The following TUSC3 variants were observed in gnomAD, a reference collection of about 807,000 sequenced individuals.
The protein encoded by TUSC3 is dolichyl-diphosphooligosaccharide--protein glycosyltransferase subunit TUSC3.
Under a neutral mutation model 44.8 loss-of-function variants are expected in TUSC3, and 45 were observed. The ratio of observed to expected loss-of-function variants is 1.00; its 90% confidence interval spans 0.79 to 1.29. TUSC3 has a LOEUF of 1.29. Among genes scored for constraint, TUSC3 ranks in the 50% most tolerant of loss-of-function variants. The pLI, the probability that TUSC3 is intolerant of heterozygous loss-of-function variation, is 0.00. For missense variants in TUSC3, 519 were observed against 437.9 expected, an observed-to-expected ratio of 1.19 and a Z score of -1.65; for synonymous variants, 212 against 152.9, an observed-to-expected ratio of 1.39 and a Z score of -2.85.
intron 6 of TUSC3, among the ~76,000 whole-genome samples, chr8:15,701,255 G>T (rs1296042998): frequency 6.6e-6 from 1 of 152,058 alleles, no homozygotes; most frequent in Non-Finnish European, 1.5e-5. Flanking sequence ...CCTCTTGCAT[G>T]TATATCTGCC....
chr8:15,839,993 A>G, the TUSC3 span, among the ~76,000 whole-genome samples: 1 of 152,196 alleles, frequency 6.6e-6, no homozygotes, highest in Non-Finnish European at 1.5e-5. Flanking sequence ...TCCATCAATG[A>G]TAGACTGGAT....
chr8:15,520,828 G>C (rs1409936443), intron 2 of TUSC3, among the ~76,000 whole-genome samples: 3 of 152,212 alleles, frequency 2.0e-5, no homozygotes, highest in African/African-American at 7.2e-5. Context: ...AGGGGATGCA[G>C]AAATGAGTAA....
the TUSC3 span, among the ~76,000 whole-genome samples, chr8:15,805,551 TTTA>T: frequency 6.6e-6 from 1 of 152,124 alleles, no homozygotes; most frequent in African/African-American, 2.4e-5. Flanking sequence ...GATGTTGGAT[TTTA>T]TTAAGAGCCT....
intron 9 of TUSC3, 130 bp from the exon 10 acceptor site, chr8:15,757,661 C>T (rs1484550466): frequency 1.0e-5 from 12 of 1,170,146 alleles, no homozygotes; most frequent in Middle Eastern, 4.0e-4. Context: ...AAGGCACCAT[C>T]GTCTATCCCC....
At chr8:15,476,121 G>C (rs10503545) in intron 1 of TUSC3, among the ~76,000 whole-genome samples, 19,374 of 152,106 alleles carry the variant, frequency 0.13, 1,702 homozygotes, top group East Asian at 0.35. Flanking sequence ...TGTACCCAAA[G>C]AATAACTAAT....
chr8:15,689,860 G>GTGTA (rs1563174266), intron 6 of TUSC3, among the ~76,000 whole-genome samples: 1 of 41,028 alleles, frequency 2.4e-5, no homozygotes, highest in Admixed American at 4.0e-4. Context: ...GTGTGTGTGT[G>GTGTA]TGTATAAATA....
rs546596425 is a variant in TUSC3 at position 15,453,642 on chromosome 8, C to G, written n.92-29744C>G. Among the ~76,000 whole-genome samples the G allele has an allele frequency of 3.3e-5, 5 of 151,882 alleles. No homozygotes were observed. In the East Asian group the frequency reaches 9.7e-4, roughly 29 times the overall value. On this transcript the variant is annotated intron_variant and non_coding_transcript_variant, in intron 1 of 5. Transcript: ENST00000503191. ...GCTGACTAGCCAAGACACAGACAAA[C>G]ACAACTTAAATATATTTATGGAATA... is the stretch of plus-strand genomic sequence containing the variant.
chr8:15,757,155 A>G (rs1254245349), intron 9 of TUSC3, among the ~76,000 whole-genome samples: 1 of 152,150 alleles, frequency 6.6e-6, no homozygotes, highest in Non-Finnish European at 1.5e-5. Context: ...CTCGTTCTTA[A>G]AAAAGAGGTA....
chr8:15,806,598 T>A, the TUSC3 span: 1 of 1,466,324 alleles, frequency 6.8e-7, no homozygotes, highest in Non-Finnish European at 9.5e-7. Context: ...GCAAGGATAA[T>A]GAAGTGATCA....
intron 1 of TUSC3, among the ~76,000 whole-genome samples, chr8:15,467,016 G>T (rs1800423531): frequency 6.6e-6 from 1 of 152,022 alleles, no homozygotes; most frequent in South Asian, 2.1e-4. Flanking sequence ...TGATATTTGA[G>T]AGTTGATCTC....
At chr8:15,474,017 G>A (rs777891655) in intron 1 of TUSC3, among the ~76,000 whole-genome samples, 1 of 152,068 alleles carries the variant, frequency 6.6e-6, no homozygotes. Flanking sequence ...CACTCCCAGA[G>A]CAACTGTTTA....
the TUSC3 span, among the ~76,000 whole-genome samples, chr8:15,822,650 G>C: frequency 6.6e-6 from 1 of 152,062 alleles, no homozygotes; most frequent in South Asian, 2.1e-4. Context: ...TTCATGTTAA[G>C]ATGGCCTAGA....
intron 1 of TUSC3, among the ~76,000 whole-genome samples, chr8:15,433,025 C>T (rs1273761336): frequency 2.0e-5 from 3 of 152,112 alleles, no homozygotes. Context: ...TCTGCAATTC[C>T]CTTAGAAACT....
intron 1 of TUSC3, among the ~76,000 whole-genome samples, chr8:15,467,812 A>G (rs2129122596): frequency 6.6e-6 from 1 of 152,232 alleles, no homozygotes; most frequent in African/African-American, 2.4e-5. Context: ...TAAGGACACA[A>G]TATCTTTTCT....
chr8:15,682,060 T>C (rs953425326), intron 6 of TUSC3, among the ~76,000 whole-genome samples: 1 of 152,306 alleles, frequency 6.6e-6, no homozygotes, highest in African/African-American at 2.4e-5. Context: ...TTTGAATTTA[T>C]TAAGATTTAC....
intron 1 of TUSC3, among the ~76,000 whole-genome samples, chr8:15,442,129 T>G (rs761767408): frequency 3.9e-5 from 6 of 152,168 alleles, no homozygotes; most frequent in Non-Finnish European, 7.3e-5. Context: ...AACTCTTTTA[T>G]GGATTTAGGG....
chr8:15,755,673 C>G (rs943685929), intron 9 of TUSC3, among the ~76,000 whole-genome samples: 16 of 151,570 alleles, frequency 1.1e-4, no homozygotes, highest in African/African-American at 3.9e-4. Flanking sequence ...AGGCATAACA[C>G]CCAAGCAACT....
At chr8:15,674,378 G>A (rs73665474) in intron 6 of TUSC3, among the ~76,000 whole-genome samples, 2,446 of 152,028 alleles carry the variant, frequency 0.016, 68 homozygotes, top group African/African-American at 0.056. Context: ...TTCTCTTTAC[G>A]TTTGGTGAAT....
intron 7 of TUSC3, chr8:15,733,288 A>T (rs189065655): frequency 2.9e-6 from 1 of 343,544 alleles, no homozygotes; most frequent in Non-Finnish European, 5.6e-6. Context: ...ATGGATAGAA[A>T]CATAAAGCAT....
Sources: gnomAD v4.1 joint callset for allele counts (sites outside exome capture counted in the v4.1 genomes callset) on GRCh38, gnomAD v4.1.1 for gene constraint, MANE v1.5 for transcripts, NCBI Gene and HGNC (gene_info 2026-07-23, HGNC 2026-07-21) for gene names.